Variants in SETD4 observed in about 807,000 individuals in gnomAD.
SETD4 encodes the protein SET domain containing 4.
A neutral mutation model predicts 58.3 loss-of-function variants in SETD4; 46 were observed. The ratio of observed to expected loss-of-function variants is 0.79; its 90% CI spans 0.62 to 1.01. The LOEUF is 1.01. Among genes scored for constraint, SETD4 ranks in the 50% least tolerant of loss-of-function variants. The pLI, the probability that SETD4 is intolerant of heterozygous loss-of-function variation, is 0.00. For missense variants in SETD4, 490 were observed against 523.3 expected (o/e 0.94, Z 0.62); for synonymous variants, 190 against 202.6 (o/e 0.94, Z 0.53).
intron 6 of SETD4, 91 bp downstream of exon 6, chr21:36,045,491 T>C (rs749818185): frequency 6.7e-6 from 10 of 1,494,422 alleles, no homozygotes; most frequent in Admixed American, 6.0e-5. Flanking sequence ...CACCTCTCCC[T>C]GTGGTGCCAC....
At position 36,057,103 on chromosome 21, in the gene SETD4, T is replaced by G; in HGVS notation, c.169+6A>C. On this transcript the variant is annotated splice_donor_region_variant and intron_variant, in intron 3 of 11. Coordinates refer to ENST00000332131, the MANE Select transcript of SETD4 (RefSeq NM_017438.5). ...AAGGGCAGGACAGCTGAAGGCTAGA[T>G]CTTACCTGGAAAACAAGCAGGCGCT... 9.3e-6 allele frequency: 15 copies of G among 1,613,340 alleles called. No individual in the cohort carries two copies. The highest frequency in any genetic ancestry group is 1.3e-5 in the Non-Finnish European group (15 of 1,179,324).
At position 36,035,517 on chromosome 21, in the gene SETD4, C is replaced by T. The variant is rs1352671862; in HGVS notation, c.*476G>A. On this transcript the variant is annotated 3_prime_UTR_variant, in exon 12 of 12. Transcript: ENST00000332131. ...TCCCTCCTCCTGGAAGCTGTGTGTCCCCTAGGGGGCTCTTCAACACCCACC... is the reference window on the plus strand; with the variant it reads ...TCCCTCCTCCTGGAAGCTGTGTGTCTCCTAGGGGGCTCTTCAACACCCACC... 1 of 155,212 alleles carries T rather than the reference C, an allele frequency of 6.4e-6. No homozygotes were observed. The highest frequency in any genetic ancestry group is 2.4e-5 in the African/African-American group (1 of 41,452). 9.6% of individuals were successfully genotyped at this position (155,212 alleles called of 1,614,324 possible). A position where few individuals can be genotyped will look rare whatever the true frequency, so the allele number is the denominator to read the frequency against.
chr21:36,059,886 G>A (rs557025198), intron 1 of SETD4: 17 of 985,396 alleles, frequency 1.7e-5, no homozygotes, highest in African/African-American at 1.7e-5. Flanking sequence ...GGGTCCCAGC[G>A]CTCAGTCCAC....
chr21:36,054,454 C>G (rs1045341191), intron 3 of SETD4, among the ~76,000 whole-genome samples: 5 of 152,216 alleles, frequency 3.3e-5, no homozygotes, highest in Admixed American at 3.3e-4. Context: ...TCGTTCTTCA[C>G]CTTTCCTCTC....
Position 36,046,003 on chromosome 21 carries a change from G to C in SETD4, c.305C>G (p.Pro102Arg). 1 of 1,605,604 alleles carries C rather than the reference G, an allele frequency of 6.2e-7. No homozygotes were observed. The highest frequency in any genetic ancestry group is 8.5e-7 in the Non-Finnish European group (1 of 1,176,846). ...YLGAYITKWK[P>R]PPSPLLALCT... ...CAGCGCCAGCAGAGGAGATGGAGGA[G>C]GCTTCCACCTTTGAAAATTAAAAGC... Residue 102 changes from proline to arginine, a missense_variant, in exon 6 of 12, where the codon CCT (proline) becomes CGT (arginine). Physicochemically the swap from Pro to Arg is moderately radical, Grantham distance 103. Transcript: ENST00000332131.
chr21:36,042,041 GT>G, intron 7 of SETD4, 153 bp from the exon 8 acceptor site: 1 of 513,374 alleles, frequency 1.9e-6, no homozygotes, highest in African/African-American at 1.9e-5. Flanking sequence ...TACTCTTCAA[GT>G]CCAATTCAGT....
intron 6 of SETD4, among the ~76,000 whole-genome samples, chr21:36,045,152 C>T (rs2064246885): frequency 6.6e-6 from 1 of 152,178 alleles, no homozygotes; most frequent in African/African-American, 2.4e-5. Context: ...GATTTCAGAG[C>T]TCAGTGGGAA....
intron 8 of SETD4, among the ~76,000 whole-genome samples, 178 bp downstream of exon 8, chr21:36,041,629 C>T (rs1461030742): frequency 6.6e-6 from 1 of 152,190 alleles, no homozygotes; most frequent in South Asian, 2.1e-4. Context: ...GTGTCTTATA[C>T]TCCTTTTGTC....
rs114930217 is a variant in SETD4, at chr21:36,047,287, A to G, written c.296+1021T>C. Among the ~76,000 whole-genome samples, 1,107 of 152,280 alleles carry G rather than the reference A, an allele frequency of 7.3e-3. 17 individuals are homozygous for G. Among genetic ancestry groups the G allele is most frequent in the African/African-American group, 0.025 (1,052 of 41,552 alleles). On this transcript the variant is annotated intron_variant, in intron 5 of 11. Transcript: ENST00000332131. ...AAAGAAAAAAACGGTATACTCTTTC[A>G]ACCCTTGTATTTAGAAATCCCTTCC... is the stretch of plus-strand genomic sequence containing the variant.
chr21:36,053,700 ATGTGAACTTC>A, intron 3 of SETD4, 80 bp from the exon 4 acceptor site: 1 of 1,394,824 alleles, frequency 7.2e-7, no homozygotes, highest in Non-Finnish European at 1.0e-6. Context: ...GAAAAAAAAA[ATGTGAACTTC>A]AAAATTACAC....
chr21:36,050,948 A>T, intron 4 of SETD4: 1 of 1,608,794 alleles, frequency 6.2e-7, no homozygotes, highest in East Asian at 2.2e-5. Context: ...TGAGTGAACA[A>T]GGGAAGCAGC....
chr21:36,041,907 ATC>A lies in SETD4; in HGVS notation c.902-21_902-20del. On this transcript the variant is annotated intron_variant, in intron 7 of 11. Coordinates refer to ENST00000332131, the MANE Select transcript of SETD4 (RefSeq NM_017438.5). ...AGTATTTCTATATTCAAAAAAAAAAATCAGACTGTTAGGGCATAAATTTGGAC... is the reference window on the plus strand; with the variant it reads ...AGTATTTCTATATTCAAAAAAAAAAAAGACTGTTAGGGCATAAATTTGGAC... 1 of 1,355,064 alleles carries A rather than the reference ATC, an allele frequency of 7.4e-7. No homozygotes were observed. The highest frequency in any genetic ancestry group is 1.5e-5 in the African/African-American group (1 of 67,446). The allele number at this position is 1,355,064 out of a possible 1,614,324, so 83.9% of individuals were successfully genotyped here. A position where few individuals can be genotyped will look rare whatever the true frequency, so the allele number is the denominator to read the frequency against.
chr21:36,036,642 A>AT, intron 10 of SETD4: 1 of 976,106 alleles, frequency 1.0e-6, no homozygotes, highest in African/African-American at 1.7e-5. Context: ...GCATGTTTTC[A>AT]TACGAATAAG....
intron 5 of SETD4, among the ~76,000 whole-genome samples, 157 bp downstream of exon 5, chr21:36,048,151 T>C (rs562033149): frequency 4.6e-5 from 7 of 152,070 alleles, no homozygotes; most frequent in African/African-American, 1.7e-4. Context: ...GAGGGCAAAC[T>C]TTCTAGAATG....
chr21:36,044,221 A>C (rs747992996), intron 6 of SETD4, among the ~76,000 whole-genome samples: 1 of 152,210 alleles, frequency 6.6e-6, no homozygotes, highest in Non-Finnish European at 1.5e-5. Flanking sequence ...TCAGCAGTTT[A>C]TTGGTCACGT....
At chr21:36,046,074 C>T in intron 5 of SETD4, 63 bp from the exon 6 acceptor site, 1 of 1,551,908 alleles carries the variant, frequency 6.4e-7, no homozygotes, top group East Asian at 2.2e-5. Flanking sequence ...ATAAGCCAAG[C>T]AGTTTGTTTT....
chr21:36,051,242 C>G, intron 4 of SETD4: 1 of 1,604,550 alleles, frequency 6.2e-7, no homozygotes, highest in Non-Finnish European at 8.5e-7. Context: ...CTGCTGTTGA[C>G]AACATAAGTG....
At chr21:36,038,325 A>T in intron 9 of SETD4, 52 bp from the exon 10 acceptor site, 1 of 1,596,636 alleles carries the variant, frequency 6.3e-7, no homozygotes, top group Non-Finnish European at 8.5e-7. Context: ...CAAAAAACAG[A>T]TTTTTTTGTT....
At chr21:36,048,452 G>T in intron 4 of SETD4, 56 bp from the exon 5 acceptor site, 1 of 1,496,576 alleles carries the variant, frequency 6.7e-7, no homozygotes, top group Non-Finnish European at 9.3e-7. Context: ...GGACCCATGA[G>T]TATGAGTCTT....
Sources: gnomAD v4.1 joint callset for allele counts (sites outside exome capture counted in the v4.1 genomes callset) on GRCh38, gnomAD v4.1.1 for gene constraint, MANE v1.5 for transcripts, NCBI Gene and HGNC (gene_info 2026-07-23, HGNC 2026-07-21) for gene names.